The following CD226 variants were observed in gnomAD, a reference collection of about 807,000 sequenced individuals.
CD226 encodes CD226 molecule, also known as CD226 antigen.
Under a neutral mutation model 34.9 loss-of-function variants are expected in CD226, and 24 were observed. That is an observed-to-expected ratio of 0.69 (90% CI 0.50 to 0.97). The LOEUF (loss-of-function observed/expected upper bound fraction) is 0.97, where lower values mean the gene tolerates loss of function less well. CD226 is among the 50% of genes least tolerant of loss of function. CD226 has a pLI of 0.00. For synonymous variants in CD226, 148 were observed against 147.4 expected (o/e 1.00, Z -0.03); for missense variants, 397 against 412.7 (o/e 0.96, Z 0.33).
At chr18:69,882,024 G>A (rs1984293494) in intron 3 of CD226, among the ~76,000 whole-genome samples, 2 of 152,086 alleles carry the variant, frequency 1.3e-5, no homozygotes, top group South Asian at 4.2e-4. Flanking sequence ...AGAATTAAAG[G>A]GCCATGGCTT....
In CD226 at chr18:69,853,571, G is replaced by C. The variant is rs1194573649; in HGVS notation, c.*10743C>G. ...AATTAATATTGAACACATATGATGA[G>C]TGAAACACCACCATGTGACTCATAT... On this transcript the variant is annotated 3_prime_UTR_variant, in exon 6 of 6. Transcript: ENST00000582621. The C allele has an allele frequency of 6.6e-6, 1 of 152,270 alleles. No individual in the cohort carries two copies. The highest frequency in any genetic ancestry group is 2.1e-4 in the South Asian group (1 of 4,824). 9.4% of individuals were successfully genotyped at this position (152,270 alleles called of 1,614,324 possible).
chr18:69,947,107 T>G (rs746672696), intron 1 of CD226, 38 bp from the exon 2 acceptor site: 16 of 1,502,618 alleles, frequency 1.1e-5, no homozygotes, highest in South Asian at 1.0e-4. Flanking sequence ...TTAGCCTTGA[T>G]GATGGAAACA....
chr18:69,925,668 C>T (rs1187535249), intron 2 of CD226, among the ~76,000 whole-genome samples: 2 of 152,166 alleles, frequency 1.3e-5, no homozygotes, highest in African/African-American at 2.4e-5. Flanking sequence ...CCCTATTCTG[C>T]TCCATCCCTA....
chr18:69,935,791 T>C (rs1568202243), intron 2 of CD226, among the ~76,000 whole-genome samples: 2 of 152,210 alleles, frequency 1.3e-5, no homozygotes, highest in Admixed American at 1.3e-4. Flanking sequence ...GCCCATTCTC[T>C]ATCAATTCAG....
intron 3 of CD226, among the ~76,000 whole-genome samples, chr18:69,886,196 G>A (rs1381089654): frequency 2.0e-5 from 3 of 152,092 alleles, no homozygotes; most frequent in Non-Finnish European, 4.4e-5. Flanking sequence ...GATAAGTCCC[G>A]TCAACTCTCC....
rs75327898 is a variant in CD226, at chr18:69,877,191, G to T, written c.728-3945C>A. 5.2e-4 allele frequency among the ~76,000 whole-genome samples: 79 copies of T among 152,222 alleles called. No homozygotes were observed. The East Asian group carries it at 0.014, about 27-fold the overall frequency. On this transcript the variant is annotated intron_variant, in intron 3 of 5. Coordinates refer to ENST00000582621, the MANE Select transcript of CD226 (RefSeq NM_001303618.2). ...AGGCCTCTAGAACTTCGGACCAATGGGCCTCAAGCTGGGGTTCCCAAGACC... is the reference window on the plus strand; with the variant it reads ...AGGCCTCTAGAACTTCGGACCAATGTGCCTCAAGCTGGGGTTCCCAAGACC...
intron 2 of CD226, among the ~76,000 whole-genome samples, chr18:69,926,980 T>C (rs1407417883): frequency 6.6e-6 from 1 of 151,128 alleles, no homozygotes; most frequent in Non-Finnish European, 1.5e-5. Context: ...GAAATTTCCC[T>C]TGAAATAATC....
chr18:69,929,799 A>G (rs2055567241), intron 2 of CD226, among the ~76,000 whole-genome samples: 1 of 152,192 alleles, frequency 6.6e-6, no homozygotes. Context: ...CAGGATCCCA[A>G]GTAAAACCTG....
In CD226 at chr18:69,926,772, T is replaced by C. The variant is rs1271799197; in HGVS notation, c.382+19962A>G. Among the ~76,000 whole-genome samples the C allele has an allele frequency of 2.0e-5, 3 of 152,330 alleles. No individual in the cohort carries two copies. The East Asian group carries it at 5.8e-4, about 29-fold the overall frequency. On this transcript the variant is annotated intron_variant, in intron 2 of 5. Coordinates refer to ENST00000582621, the MANE Select transcript of CD226 (RefSeq NM_001303618.2). ...CATGCCTCCCCTAAGGTACATATTA[T>C]ACATGAGTACTTTCTATACATGAGT...
chr18:69,946,708 T>TAA (rs57226213), intron 2 of CD226, 26 bp downstream of exon 2: 14,210 of 1,221,716 alleles, frequency 0.012, 216 homozygotes, highest in African/African-American at 0.1. Flanking sequence ...AAAAGGGATT[T>TAA]AAAAAAAAAA....
Position 69,895,733 on chromosome 18 carries a change from T to C in CD226, c.695A>G (p.Glu232Gly). 1 of 1,613,912 alleles carries C rather than the reference T, an allele frequency of 6.2e-7. No individual in the cohort carries two copies. The highest frequency in any genetic ancestry group is 8.5e-7 in the Non-Finnish European group (1 of 1,179,806). ...CYLQASAGENETFVMRLTVAE... is the reference protein window; with the variant it reads ...CYLQASAGENGTFVMRLTVAE... The stretch of plus-strand genomic sequence containing the variant: ...TACAGTCAATCTCATCACGAAGGTT[T>C]CGTTTTCTCCTGCGCTGGCCTGCAA... The change falls in exon 3 of 6, where the codon GAA (glutamate) becomes GGA (glycine). Residue 232 changes from glutamate to glycine, a missense_variant. Coordinates refer to ENST00000582621, the MANE Select transcript of CD226 (RefSeq NM_001303618.2).
chr18:69,921,372 G>A (rs1162818180), intron 2 of CD226, among the ~76,000 whole-genome samples: 1 of 152,062 alleles, frequency 6.6e-6, no homozygotes, highest in Non-Finnish European at 1.5e-5. Context: ...GGATCATCTG[G>A]GAAGCTTCGC....
intron 3 of CD226, among the ~76,000 whole-genome samples, chr18:69,880,625 T>C (rs1313918317): frequency 1.3e-5 from 2 of 149,960 alleles, no homozygotes; most frequent in East Asian, 2.0e-4. Context: ...AAATTTCAGA[T>C]ACACGAGGGG....
intron 2 of CD226, among the ~76,000 whole-genome samples, chr18:69,922,360 C>A (rs1304642137): frequency 3.9e-5 from 6 of 152,186 alleles, no homozygotes; most frequent in African/African-American, 1.4e-4. Flanking sequence ...TAGCTCACTG[C>A]AGCTTCAAGC....
At chr18:69,937,994 T>TC (rs1336903586) in intron 2 of CD226, among the ~76,000 whole-genome samples, 2 of 152,180 alleles carry the variant, frequency 1.3e-5, no homozygotes, top group Admixed American at 1.3e-4. Context: ...AGAACACTTG[T>TC]CCCTGAAGGG....
rs554695007 is a variant in CD226 at position 69,938,016 on chromosome 18, G to A, written c.382+8718C>T. On this transcript the variant is annotated intron_variant, in intron 2 of 5. Coordinates refer to ENST00000582621, the MANE Select transcript of CD226 (RefSeq NM_001303618.2). ...TTGTCCCTGAAGGGTGTAGAGATAAGAGCCTTCTAAGAATGAGCATGGATG... is the reference window on the plus strand; with the variant it reads ...TTGTCCCTGAAGGGTGTAGAGATAAAAGCCTTCTAAGAATGAGCATGGATG... Among the ~76,000 whole-genome samples, 3 of 152,200 alleles carry A rather than the reference G, an allele frequency of 2.0e-5. No homozygotes were observed. The East Asian group carries it at 5.8e-4, about 29-fold the overall frequency.
At chr18:69,878,516 T>G (rs1053840946) in intron 3 of CD226, among the ~76,000 whole-genome samples, 1 of 152,022 alleles carries the variant, frequency 6.6e-6, no homozygotes, top group African/African-American at 2.4e-5. Context: ...ATGTCTATAG[T>G]TTATCCTCTA....
intron 2 of CD226, among the ~76,000 whole-genome samples, chr18:69,920,514 A>T (rs2055438372): frequency 6.6e-6 from 1 of 152,194 alleles, no homozygotes; most frequent in Non-Finnish European, 1.5e-5. Flanking sequence ...CTTACATGAA[A>T]ATTCATTCCT....
In CD226 at chr18:69,895,638, GA is replaced by G; in HGVS notation, c.727+62del. The G allele has an allele frequency of 2.5e-6, 3 of 1,206,400 alleles. No individual in the cohort carries two copies. In the South Asian group the frequency reaches 4.1e-5, roughly 16 times the overall value. The allele number at this position is 1,206,400 out of a possible 1,614,324, so 74.7% of individuals were successfully genotyped here. ...CATGTTTACCATAAATAAAAACAGA[GA>G]CCAGCCCACGGGGCTGGCTTTTTCC... On this transcript the variant is annotated intron_variant, in intron 3 of 5. Transcript: ENST00000582621.
Sources: gnomAD v4.1 joint callset for allele counts (sites outside exome capture counted in the v4.1 genomes callset) on GRCh38, gnomAD v4.1.1 for gene constraint, MANE v1.5 for transcripts, NCBI Gene and HGNC (gene_info 2026-07-23, HGNC 2026-07-21) for gene names.